ASMTL: variants seen among roughly 807,000 people sequenced by gnomAD.
The protein encoded by ASMTL is probable bifunctional dTTP/UTP pyrophosphatase/methyltransferase protein.
ASMTL carries 57 observed loss-of-function variants against 60.3 expected under a neutral mutation model. That is an observed-to-expected ratio of 0.95 (90% CI 0.76 to 1.18). The LOEUF is 1.18. ASMTL is among the 50% of genes most tolerant of loss of function. The pLI is 0.00. For missense variants in ASMTL, 981 were observed against 852.6 expected, an observed-to-expected ratio of 1.15 and a Z score of -1.88; for synonymous variants, 419 against 373.0, an observed-to-expected ratio of 1.12 and a Z score of -1.42.
chrX:1,437,460 G>A (rs1260290710), intron 3 of ASMTL, among the ~76,000 whole-genome samples: 61 of 137,776 alleles, frequency 4.4e-4, no homozygotes, highest in South Asian at 9.5e-4. Flanking sequence ...CCTCTCTCCT[G>A]GGCTTGGAGA....
chrX:1,420,111 T>C (rs751055410), intron 9 of ASMTL, among the ~76,000 whole-genome samples: 1 of 152,004 alleles, frequency 6.6e-6, no homozygotes, highest in South Asian at 2.1e-4. Context: ...CCTGTCTCTG[T>C]CTCCCATCTC....
chrX:1,414,875 C>T (rs1260802230), intron 11 of ASMTL, among the ~76,000 whole-genome samples: 1 of 152,168 alleles, frequency 6.6e-6, no homozygotes, highest in Non-Finnish European at 1.5e-5. Context: ...TCCCCAGCAC[C>T]TGTGCCCACA....
At chrX:1,440,233 C>G (rs1300482488) in intron 2 of ASMTL, among the ~76,000 whole-genome samples, 17 of 151,988 alleles carry the variant, frequency 1.1e-4, no homozygotes, top group Non-Finnish European at 1.9e-4. Context: ...ACTACAGGCG[C>G]CCGCCACCGC....
chrX:1,446,380 C>T (rs182318567), intron 1 of ASMTL, among the ~76,000 whole-genome samples: 3,590 of 152,136 alleles, frequency 0.024, 66 homozygotes, highest in Non-Finnish European at 0.037. Flanking sequence ...AGTGGTCCCC[C>T]GGGCCCAGCT....
At chrX:1,403,935 ATGGG>A (rs1289537022) in intron 12 of ASMTL, among the ~76,000 whole-genome samples, 1 of 151,590 alleles carries the variant, frequency 6.6e-6, no homozygotes. Flanking sequence ...ATGGTAGATG[ATGGG>A]TAGGTAGGTA....
chrX:1,428,773 T>C (rs1156512794), intron 6 of ASMTL, among the ~76,000 whole-genome samples: 2 of 148,440 alleles, frequency 1.3e-5, no homozygotes, highest in African/African-American at 5.0e-5. Flanking sequence ...TGTGTGTGTG[T>C]GTGTGGGGAG....
Position 1,421,690 on chromosome X carries a change from C to T in ASMTL, c.1213G>A (p.Ala405Thr). Reference sequence around the variant, plus strand: ...AGATCTTCCGCCTTCTTCCCCAACGCCCTGTGGTGCTGGTTTGTTCCCTCT... The same window carrying T: ...AGATCTTCCGCCTTCTTCCCCAACGTCCTGTGGTGCTGGTTTGTTCCCTCT... Reference protein sequence around the residue: ...IREGTNQHHRALGKKAEDLFQ... With the variant: ...IREGTNQHHRTLGKKAEDLFQ... The change falls in exon 9 of 13, where the codon GCG becomes ACG. Residue 405 changes from alanine (A) to threonine (T), a missense_variant. Ala to Thr is a moderately conservative substitution (Grantham distance 58, BLOSUM62 0). Coordinates refer to ENST00000381317, the MANE Select transcript of ASMTL (RefSeq NM_004192.4). 1 of 1,613,906 alleles carries T rather than the reference C, an allele frequency of 6.2e-7. No homozygotes were observed. Among genetic ancestry groups the T allele is most frequent in the Non-Finnish European group, 8.5e-7 (1 of 1,179,832 alleles).
intron 10 of ASMTL, 106 bp downstream of exon 10, chrX:1,418,876 C>G: frequency 7.0e-7 from 1 of 1,426,646 alleles, no homozygotes; most frequent in Non-Finnish European, 9.7e-7. Context: ...AGGTCGTTAT[C>G]AGGTTTGTCA....
chrX:1,418,012 G>C lies in ASMTL; in HGVS notation c.1483C>G (p.Pro495Ala). 1 of 1,613,528 alleles carries C rather than the reference G, an allele frequency of 6.2e-7. No individual in the cohort carries two copies. The highest frequency in any genetic ancestry group is 8.5e-7 in the Non-Finnish European group (1 of 1,179,632). The change falls in exon 11 of 13, where the codon CCC becomes GCC. Residue 495 changes from proline to alanine, a missense_variant. Physicochemically the swap from Pro to Ala is conservative, Grantham distance 27. Transcript: ENST00000381317. ...ATCTGCACTGCCTGCGGTCCGGGGG[G>C]TTGGAAGTGGGCGGCCAGCTCGATA... is the stretch of plus-strand genomic sequence containing the variant. ...DIIELAAHFQ[P>A]PGPQAVQIHF...
At chrX:1,430,305 C>G (rs1173212803) in intron 6 of ASMTL, among the ~76,000 whole-genome samples, 1 of 152,130 alleles carries the variant, frequency 6.6e-6, no homozygotes, top group African/African-American at 2.4e-5. Flanking sequence ...AGCCACCATG[C>G]CTGGCCCTGA....
intron 6 of ASMTL, among the ~76,000 whole-genome samples, chrX:1,430,479 A>G (rs1259704901): frequency 6.6e-6 from 1 of 152,036 alleles, no homozygotes; most frequent in Non-Finnish European, 1.5e-5. Flanking sequence ...AAAAACTAAC[A>G]ATAAAATCGG....
chrX:1,452,238 C>A (rs1166249960), intron 1 of ASMTL, among the ~76,000 whole-genome samples: 1 of 145,136 alleles, frequency 6.9e-6, no homozygotes. Flanking sequence ...ACTCTCCTCT[C>A]CCCCATCCCT....
chrX:1,412,986 T>G, intron 11 of ASMTL, 132 bp from the exon 12 acceptor site: 4 of 968,644 alleles, frequency 4.1e-6, no homozygotes, highest in Non-Finnish European at 6.5e-6. Context: ...GGAATGGGTC[T>G]TCCTGAAGTA....
Position 1,427,755 on chromosome X carries a change from A to C in ASMTL, c.876T>G (p.Ile292Met). 3.1e-6 allele frequency: 5 copies of C among 1,611,852 alleles called. No homozygotes were observed. The highest frequency in any genetic ancestry group is 1.1e-5 in the South Asian group (1 of 90,954). ...GTACCTTGGATAGCATAAAGCCCTCAATCAGCTCCAGGAGGCGTGTCGGGA... is the reference window on the plus strand; with the variant it reads ...GTACCTTGGATAGCATAAAGCCCTCCATCAGCTCCAGGAGGCGTGTCGGGA... ...PPFPTRLLEL[I>M]EGFMLSKGLL... Residue 292 changes from isoleucine (I) to methionine (M), a missense_variant, in exon 7 of 13, where the codon ATT becomes ATG. Coordinates refer to ENST00000381317, the MANE Select transcript of ASMTL (RefSeq NM_004192.4).
intron 11 of ASMTL, among the ~76,000 whole-genome samples, chrX:1,417,495 C>G (rs1464944084): frequency 6.7e-6 from 1 of 148,438 alleles, no homozygotes; most frequent in Non-Finnish European, 1.5e-5. Flanking sequence ...AAGACACACA[C>G]CATGCACACA....
chrX:1,453,164 A>C (rs1359090571), upstream of ASMTL, among the ~76,000 whole-genome samples: 1 of 135,570 alleles, frequency 7.4e-6, no homozygotes, highest in African/African-American at 2.8e-5. Flanking sequence ...CCTCTCCGTC[A>C]GGCCACGCCC....
intron 2 of ASMTL, chrX:1,441,578 C>T (rs1305646196): frequency 6.6e-6 from 1 of 152,046 alleles, no homozygotes; most frequent in Non-Finnish European, 1.5e-5. Context: ...CGACCGGCCA[C>T]AAGAGATTAT....
intron 12 of ASMTL, among the ~76,000 whole-genome samples, chrX:1,410,572 C>A (rs768443183): frequency 9.0e-4 from 137 of 152,172 alleles, no homozygotes; most frequent in Middle Eastern, 3.4e-3. Context: ...CACCACTACG[C>A]CGGACTAATT....
intron 11 of ASMTL, among the ~76,000 whole-genome samples, chrX:1,416,904 C>G (rs1311913049): frequency 6.6e-6 from 1 of 150,844 alleles, no homozygotes; most frequent in Non-Finnish European, 1.5e-5. Flanking sequence ...CCCTCAGAGA[C>G]ATACACACCA....
Sources: gnomAD v4.1 joint callset for allele counts (sites outside exome capture counted in the v4.1 genomes callset) on GRCh38, gnomAD v4.1.1 for gene constraint, MANE v1.5 for transcripts, NCBI Gene and HGNC (gene_info 2026-07-23, HGNC 2026-07-21) for gene names.